AGPAT3: variants seen among roughly 807,000 people sequenced by gnomAD.
AGPAT3 encodes 1-acyl-sn-glycerol-3-phosphate acyltransferase gamma.
Under a neutral mutation model 47.3 loss-of-function variants are expected in AGPAT3, and 5 were observed. That is an observed-to-expected ratio of 0.11 (90% CI 0.06 to 0.22). The LOEUF (loss-of-function observed/expected upper bound fraction) is 0.22. Among genes scored for constraint, AGPAT3 ranks in the 10% least tolerant of loss-of-function variants. The probability of loss-of-function intolerance (pLI) is 1.00; values close to 1 mark genes in which losing one functional copy is unlikely to be tolerated. For synonymous variants in AGPAT3, 212 were observed against 208.3 expected, an observed-to-expected ratio of 1.02 and a Z score of -0.15; for missense variants, 315 against 493.0, an observed-to-expected ratio of 0.64 and a Z score of 3.42.
intron 2 of AGPAT3, among the ~76,000 whole-genome samples, chr21:43,927,525 T>A: frequency 1.3e-5 from 2 of 152,366 alleles, no homozygotes; most frequent in South Asian, 4.1e-4. Flanking sequence ...TGTCAAGTGC[T>A]CGGCACCTCT....
At position 43,984,533 on chromosome 21, in the gene AGPAT3, A is replaced by T. The variant is rs1601498277; in HGVS notation, c.*2141A>T. 6.5e-6 allele frequency: 1 copy of T among 154,492 alleles called. No individual in the cohort carries two copies. The highest frequency in any genetic ancestry group is 1.4e-5 in the Non-Finnish European group (1 of 69,274). 9.6% of individuals were successfully genotyped at this position (154,492 alleles called of 1,614,324 possible). A position where few individuals can be genotyped will look rare whatever the true frequency, so the allele number is the denominator to read the frequency against. On this transcript the variant is annotated 3_prime_UTR_variant, in exon 10 of 10. Transcript: ENST00000291572. ...TAAATTCTGCACTGAGCCATGGCGG[A>T]GCTGGGCAGCCCCTAGGTTAGAGTG... is the stretch of plus-strand genomic sequence containing the variant.
chr21:43,928,284 G>A (rs573736339), intron 2 of AGPAT3, among the ~76,000 whole-genome samples: 6 of 152,322 alleles, frequency 3.9e-5, no homozygotes, highest in Admixed American at 3.3e-4. Flanking sequence ...AGTTCGACAC[G>A]GCCACTGTTT....
At chr21:43,928,372 G>T (rs1299028690) in intron 2 of AGPAT3, among the ~76,000 whole-genome samples, 1 of 152,166 alleles carries the variant, frequency 6.6e-6, no homozygotes, top group Non-Finnish European at 1.5e-5. Context: ...CCGTCATTCC[G>T]GGGGGCAGCC....
intron 1 of AGPAT3, among the ~76,000 whole-genome samples, chr21:43,900,884 A>T (rs1363404793): frequency 6.6e-6 from 1 of 152,192 alleles, no homozygotes; most frequent in East Asian, 1.9e-4. Context: ...AAGCCCGGAG[A>T]TGCAGGACAG....
chr21:43,981,252 G>C lies in AGPAT3; in HGVS notation c.1042+65G>C, dbSNP rs550111116. ...CCTCACAGTATCAGCCACAGGGTCC[G>C]GGACCTGGTGACTCATCACAGTGGC... On this transcript the variant is annotated intron_variant, in intron 9 of 9. Transcript: ENST00000291572. The surrounding 1 kb of genome is among the most constrained non-coding windows in gnomAD (Gnocchi z 5.3). 3 of 1,547,900 alleles carry C rather than the reference G, an allele frequency of 1.9e-6. No homozygotes were observed. In the South Asian group the frequency reaches 3.4e-5, roughly 17 times the overall value.
At position 43,981,434 on chromosome 21, in the gene AGPAT3, G is replaced by A. The variant is rs946512467; in HGVS notation, c.1042+247G>A. 1.8e-6 allele frequency: 1 copy of A among 569,022 alleles called. No homozygotes were observed. The highest frequency in any genetic ancestry group is 1.9e-5 in the African/African-American group (1 of 53,274). The allele number at this position is 569,022 out of a possible 1,614,324, so 35.2% of individuals were successfully genotyped here. A position where few individuals can be genotyped will look rare whatever the true frequency, so the allele number is the denominator to read the frequency against. On this transcript the variant is annotated intron_variant, in intron 9 of 9. Transcript: ENST00000291572. The surrounding 1 kb of genome is among the most constrained non-coding windows in gnomAD (Gnocchi z 5.3). ...GCGCCATCCCCACTGCAGCCCCACT[G>A]GCTGGCGCCCTTGAGGATGCCGACG...
chr21:43,953,741 A>G (rs1052419989), intron 2 of AGPAT3, among the ~76,000 whole-genome samples: 2 of 152,220 alleles, frequency 1.3e-5, no homozygotes, highest in African/African-American at 4.8e-5. Flanking sequence ...AGGTTCTACT[A>G]GCTACATTGG....
At chr21:43,957,542 C>T (rs537655609) in intron 2 of AGPAT3, among the ~76,000 whole-genome samples, 27 of 147,198 alleles carry the variant, frequency 1.8e-4, no homozygotes, top group African/African-American at 5.3e-4. Context: ...ACGGGGGTCT[C>T]GGGTTTCCCC....
chr21:43,898,719 G>T (rs1359699802), intron 1 of AGPAT3, among the ~76,000 whole-genome samples: 1 of 152,132 alleles, frequency 6.6e-6, no homozygotes, highest in African/African-American at 2.4e-5. Flanking sequence ...TAGAGACGGG[G>T]TTTCTCCATG....
chr21:43,978,524 G>C (rs921672908), intron 8 of AGPAT3, among the ~76,000 whole-genome samples: 5 of 152,310 alleles, frequency 3.3e-5, no homozygotes, highest in Non-Finnish European at 5.9e-5. Context: ...TTCCAGGCTG[G>C]TATTCAACTC....
At chr21:43,931,202 G>A (rs1455886502) in intron 2 of AGPAT3, among the ~76,000 whole-genome samples, 1 of 152,168 alleles carries the variant, frequency 6.6e-6, no homozygotes, top group African/African-American at 2.4e-5. Flanking sequence ...TGACACCTGT[G>A]TGCTGGACCT....
At chr21:43,884,118 G>A (rs2085912872) in intron 1 of AGPAT3, among the ~76,000 whole-genome samples, 1 of 152,184 alleles carries the variant, frequency 6.6e-6, no homozygotes, top group Admixed American at 6.5e-5. Flanking sequence ...CACCAGAGAT[G>A]AGTCACCCAG....
chr21:43,946,599 T>TAA (rs36037106), intron 2 of AGPAT3, among the ~76,000 whole-genome samples: 16 of 133,478 alleles, frequency 1.2e-4, no homozygotes, highest in African/African-American at 1.9e-4. Context: ...GACTCCTTCT[T>TAA]AAAAAAAAAA....
rs1009038474 is a variant in AGPAT3 at position 43,934,713 on chromosome 21, T to C, written c.-48-24921T>C. Among the ~76,000 whole-genome samples the C allele has an allele frequency of 6.6e-6, 1 of 152,008 alleles. No homozygotes were observed. Among genetic ancestry groups the C allele is most frequent in the Non-Finnish European group, 1.5e-5 (1 of 67,982 alleles). ...GCACGAGGAGGCCACGTGCCCATGG[T>C]GGAGGAGCCACAGCACAAAGCAAGC... On this transcript the variant is annotated intron_variant, in intron 2 of 9. Coordinates refer to ENST00000291572, the MANE Select transcript of AGPAT3 (RefSeq NM_020132.5). The surrounding 1 kb of genome is among the most constrained non-coding windows in gnomAD (Gnocchi z 4.7).
intron 2 of AGPAT3, among the ~76,000 whole-genome samples, chr21:43,917,741 C>T (rs1056330357): frequency 3.3e-5 from 5 of 150,598 alleles, no homozygotes; most frequent in African/African-American, 9.8e-5. Flanking sequence ...ACCGGGTGGT[C>T]GAGTTGGCAT....
intron 2 of AGPAT3, among the ~76,000 whole-genome samples, chr21:43,918,495 TAAA>T (rs2086810620): frequency 6.6e-6 from 1 of 151,816 alleles, no homozygotes; most frequent in African/African-American, 2.4e-5. Flanking sequence ...AGAGAAGAGA[TAAA>T]AATAATTTAG....
At position 43,984,208 on chromosome 21, in the gene AGPAT3, T is replaced by C. The variant is rs2030013857; in HGVS notation, c.*1816T>C. 1.3e-5 allele frequency: 2 copies of C among 152,250 alleles called. No individual in the cohort carries two copies. The highest frequency in any genetic ancestry group is 4.1e-4 in the South Asian group (2 of 4,826). The allele number at this position is 152,250 out of a possible 1,614,324, so 9.4% of individuals were successfully genotyped here. ...GTGCTTCCCTCCATCTGAAATCTCATCCCTCCACCCGCCCACTCGGGCAGC... is the reference window on the plus strand; with the variant it reads ...GTGCTTCCCTCCATCTGAAATCTCACCCCTCCACCCGCCCACTCGGGCAGC... On this transcript the variant is annotated 3_prime_UTR_variant, in exon 10 of 10. Coordinates refer to ENST00000291572, the MANE Select transcript of AGPAT3 (RefSeq NM_020132.5).
intron 1 of AGPAT3, among the ~76,000 whole-genome samples, chr21:43,896,336 T>C (rs992160908): frequency 2.2e-4 from 33 of 152,262 alleles, no homozygotes; most frequent in African/African-American, 7.7e-4. Flanking sequence ...TCTGAAACTT[T>C]TTAGGACTTG....
At chr21:43,885,170 C>T (rs2085945593) in intron 1 of AGPAT3, among the ~76,000 whole-genome samples, 1 of 152,202 alleles carries the variant, frequency 6.6e-6, no homozygotes, top group Non-Finnish European at 1.5e-5. Context: ...CTCCCTCAGC[C>T]AACTGCAGCC....
Sources: gnomAD v4.1 joint callset for allele counts (sites outside exome capture counted in the v4.1 genomes callset) on GRCh38, gnomAD v4.1.1 for gene constraint, Gnocchi (gnomAD v3.1) non-coding constraint, MANE v1.5 for transcripts, NCBI Gene and HGNC (gene_info 2026-07-23, HGNC 2026-07-21) for gene names.